RFX7: variants seen among roughly 807,000 people sequenced by gnomAD.
RFX7 encodes DNA-binding protein RFX7.
Under a neutral mutation model 111.8 loss-of-function variants are expected in RFX7, and 26 were observed. The observed-to-expected ratio is 0.23, with a 90% CI of 0.17 to 0.32. The LOEUF is 0.32. RFX7 is among the 10% of genes least tolerant of loss of function. The probability of loss-of-function intolerance (pLI) is 1.00; values close to 1 mark genes in which losing one functional copy is unlikely to be tolerated. For synonymous variants in RFX7, 624 were observed against 624.4 expected, an observed-to-expected ratio of 1.00 and a Z score of 0.01; for missense variants, 1,573 against 1,772.9, an observed-to-expected ratio of 0.89 and a Z score of 2.02.
chr15:56,229,304 T>A (rs2043521956), intron 2 of RFX7, among the ~76,000 whole-genome samples: 1 of 152,144 alleles, frequency 6.6e-6, no homozygotes, highest in Admixed American at 6.6e-5. Flanking sequence ...CTCGCTCTGT[T>A]GCCCAGGTTG....
chr15:56,152,686 A>G (rs1254715657), intron 3 of RFX7, among the ~76,000 whole-genome samples: 1 of 152,074 alleles, frequency 6.6e-6, no homozygotes, highest in African/African-American at 2.4e-5. Flanking sequence ...AGCAGAAGAC[A>G]TGAAATAACT....
chr15:56,123,873 T>C (rs1033921840), intron 5 of RFX7, among the ~76,000 whole-genome samples: 2 of 152,178 alleles, frequency 1.3e-5, no homozygotes, highest in Admixed American at 1.3e-4. Context: ...TGCTGCACTC[T>C]CTCTCCTGCA....
intron 2 of RFX7, among the ~76,000 whole-genome samples, chr15:56,209,072 C>A (rs371693217): frequency 6.6e-6 from 1 of 151,770 alleles, no homozygotes. Context: ...GAACGTCAAC[C>A]AACATCAATG....
At chr15:56,232,476 GA>G (rs1396166228) in intron 2 of RFX7, among the ~76,000 whole-genome samples, 1 of 152,138 alleles carries the variant, frequency 6.6e-6, no homozygotes, top group African/African-American at 2.4e-5. Flanking sequence ...CTGCTATGAA[GA>G]CCTCTCACAT....
intron 5 of RFX7, among the ~76,000 whole-genome samples, chr15:56,109,932 G>T (rs1315162413): frequency 6.7e-6 from 1 of 149,748 alleles, no homozygotes; most frequent in African/African-American, 2.5e-5. Context: ...TCAGACCCTC[G>T]CCTGGCCAGC....
intron 5 of RFX7, among the ~76,000 whole-genome samples, chr15:56,112,379 C>CAAAAAAAAAAAAAAAAAAAAA (rs71110374): frequency 5.6e-5 from 4 of 71,768 alleles, no homozygotes; most frequent in South Asian, 6.3e-4. Context: ...GAGTACAAAT[C>CAAAAAAAAAAAAAAAAAAAAA]AAAAAAAAAA....
intron 5 of RFX7, among the ~76,000 whole-genome samples, chr15:56,107,842 GATA>G (rs752479867): frequency 6.6e-5 from 10 of 151,860 alleles, no homozygotes; most frequent in Non-Finnish European, 1.0e-4. Flanking sequence ...AATAAAAAAT[GATA>G]ATAAACCAAT....
intron 5 of RFX7, among the ~76,000 whole-genome samples, chr15:56,128,307 A>G (rs1454843836): frequency 6.6e-6 from 1 of 152,184 alleles, no homozygotes; most frequent in Non-Finnish European, 1.5e-5. Flanking sequence ...CCACAGACCA[A>G]TATCCCTCAG....
intron 3 of RFX7, among the ~76,000 whole-genome samples, chr15:56,148,871 G>C (rs2042523925): frequency 6.6e-6 from 1 of 152,088 alleles, no homozygotes; most frequent in African/African-American, 2.4e-5. Context: ...CATGAAGTCA[G>C]GAGATTGAGA....
chr15:56,112,379 C>CAAAAAAAAAAAAAAAAAAAAAAAAATAA, intron 5 of RFX7, among the ~76,000 whole-genome samples: 1 of 71,768 alleles, frequency 1.4e-5, no homozygotes, highest in Non-Finnish European at 2.6e-5. Context: ...GAGTACAAAT[C>CAAAAAAAAAAAAAAAAAAAAAAAAATAA]AAAAAAAAAA....
At chr15:56,194,877 G>C (rs1327478365) in intron 2 of RFX7, among the ~76,000 whole-genome samples, 4 of 151,924 alleles carry the variant, frequency 2.6e-5, no homozygotes, top group African/African-American at 9.7e-5. Flanking sequence ...AGCTAAAACA[G>C]AGAATTACCA....
intron 2 of RFX7, 83 bp downstream of exon 2, chr15:56,243,042 T>TACCCCCC: frequency 5.5e-6 from 3 of 543,104 alleles, no homozygotes; most frequent in Non-Finnish European, 1.0e-5. Context: ...CCTCCTCCGC[T>TACCCCCC]CCCCCCGCCC....
chr15:56,204,019 C>CT (rs139030100), intron 2 of RFX7, among the ~76,000 whole-genome samples: 32,481 of 120,828 alleles, frequency 0.27, 5,724 homozygotes, highest in African/African-American at 0.45. Context: ...GTAACAAAAC[C>CT]TTTTTTTTTT....
chr15:56,107,323 G>GA (rs1324884976), intron 5 of RFX7, among the ~76,000 whole-genome samples: 1 of 80,820 alleles, frequency 1.2e-5, no homozygotes, highest in Admixed American at 1.3e-4. Flanking sequence ...AAAAAAAAAA[G>GA]AAGAAAGAAT....
chr15:56,137,354 G>T (rs572387479), intron 5 of RFX7, among the ~76,000 whole-genome samples: 240 of 152,298 alleles, frequency 1.6e-3, no homozygotes, highest in Non-Finnish European at 2.6e-3. Context: ...GAGAGTGTAT[G>T]TGTCAAGGAA....
intron 5 of RFX7, among the ~76,000 whole-genome samples, chr15:56,138,800 G>A (rs2042344743): frequency 6.6e-6 from 1 of 151,786 alleles, no homozygotes; most frequent in Non-Finnish European, 1.5e-5. Flanking sequence ...AGCTCTTTTA[G>A]GGCAGGCCTG....
At chr15:56,154,306 A>G (rs2042618666) in intron 3 of RFX7, among the ~76,000 whole-genome samples, 2 of 152,202 alleles carry the variant, frequency 1.3e-5, no homozygotes, top group Admixed American at 6.5e-5. Context: ...GGAACCAAAA[A>G]AGAGCCCGCA....
chr15:56,214,625 G>C (rs865854745), intron 2 of RFX7, among the ~76,000 whole-genome samples: 26 of 151,364 alleles, frequency 1.7e-4, no homozygotes, highest in African/African-American at 6.3e-4. Context: ...TGAGGCCAGA[G>C]AATGGCGTGA....
At chr15:56,208,100 TA>T (rs2043273736) in intron 2 of RFX7, among the ~76,000 whole-genome samples, 1 of 152,198 alleles carries the variant, frequency 6.6e-6, no homozygotes, top group Admixed American at 6.5e-5. Context: ...AGTGAATATT[TA>T]AGAAAAACCT....
Sources: allele counts gnomAD v4.1 joint callset (sites outside exome capture counted in the v4.1 genomes callset), GRCh38; gene constraint gnomAD v4.1.1; transcripts MANE v1.5; gene names NCBI Gene and HGNC (gene_info 2026-07-23, HGNC 2026-07-21).